MUC6: variants seen among roughly 807,000 people sequenced by gnomAD.
MUC6 encodes the protein mucin 6, oligomeric mucus/gel-forming (gene/pseudogene).
MUC6 carries 188 observed loss-of-function variants against 201.5 expected under a neutral mutation model. The ratio of observed to expected loss-of-function variants is 0.93; its 90% CI spans 0.83 to 1.05. MUC6 has a LOEUF of 1.05. MUC6 is among the 50% of genes least tolerant of loss of function. The pLI is 0.00. For synonymous variants in MUC6, 1,228 were observed against 1,389.4 expected (o/e 0.88, Z 2.58); for missense variants, 2,706 against 3,256.9 (o/e 0.83, Z 4.12).
Position 1,016,173 on chromosome 11 carries a change from C to G in MUC6, c.6628G>C (p.Ala2210Pro). The G allele has an allele frequency of 1.2e-6, 2 of 1,613,130 alleles. No homozygotes were observed. Among genetic ancestry groups the G allele is most frequent in the South Asian group, 2.2e-5 (2 of 90,992 alleles). Residue 2210 changes from alanine to proline, a missense_variant, in exon 31 of 33, where the codon GCC becomes CCC. Physicochemically the swap from Ala to Pro is conservative, Grantham distance 27 (BLOSUM62 -1). Around this residue, in one of 10 missense-constraint regions of MUC6, gnomAD observed 586 missense variants for 488.0 expected, o/e 1.20. Transcript: ENST00000421673. ...GAGGAGATAGTGTGGGGGAGAGTGGCCCTAATGGTAGTAGAGGCAGCTGGA... is the reference window on the plus strand; with the variant it reads ...GAGGAGATAGTGTGGGGGAGAGTGGGCCTAATGGTAGTAGAGGCAGCTGGA... ...SSPAASTTIR[A>P]TLPHTISSPF...
At chr11:1,031,490 G>C in intron 4 of MUC6, 117 bp downstream of exon 4, 1 of 1,463,048 alleles carries the variant, frequency 6.8e-7, no homozygotes, top group East Asian at 2.5e-5. Flanking sequence ...CGAAGGGCCT[G>C]GCTGCATGGC....
At position 1,033,320 on chromosome 11, in the gene MUC6, G is replaced by A; in HGVS notation, c.53-245C>T. On this transcript the variant is annotated intron_variant, in intron 1 of 32. Coordinates refer to ENST00000421673, the MANE Select transcript of MUC6 (RefSeq NM_005961.3). This position sits in a 1 kb window ranked among gnomAD's most constrained non-coding sequence, Gnocchi z 5.6. The stretch of plus-strand genomic sequence containing the variant: ...TCCCTCGTTTGTCCACTCAGTCCCA[G>A]TTCAGCCGTCAGCCCCTCGGGGTTC... 1 of 565,666 alleles carries A rather than the reference G, an allele frequency of 1.8e-6. No individual in the cohort carries two copies. The highest frequency in any genetic ancestry group is 3.2e-6 in the Non-Finnish European group (1 of 313,148). The allele number at this position is 565,666 out of a possible 1,614,324, so 35.0% of individuals were successfully genotyped here.
At chr11:1,029,747 C>A (rs971437780) in intron 8 of MUC6, 132 bp from the exon 9 acceptor site, 2 of 1,245,184 alleles carry the variant, frequency 1.6e-6, no homozygotes, top group East Asian at 2.7e-5. Flanking sequence ...TCCAGGGAGA[C>A]GCCCCTCCAG....
chr11:1,024,304 G>T (rs905143943), intron 24 of MUC6, among the ~76,000 whole-genome samples: 1 of 152,178 alleles, frequency 6.6e-6, no homozygotes, highest in Non-Finnish European at 1.5e-5. Context: ...GGCCTGACCC[G>T]AGCTCACGCC....
At position 1,036,643 on chromosome 11, in the gene MUC6, A is replaced by T. The variant is rs1021037623; in HGVS notation, c.13T>A (p.Trp5Arg). The T allele has an allele frequency of 2.6e-6, 4 of 1,547,390 alleles. No individual in the cohort carries two copies. In the African/African-American group the frequency reaches 5.5e-5, roughly 21 times the overall value. ...GCTCCGCAGCAGGACAGCAGCAGCC[A>T]CCGCTGGACCATGGTGCACAGTGGA... MVQR[W>R]LLLSCCGALL... is the part of the protein sequence containing the mutation. Residue 5 changes from tryptophan (W) to arginine (R), a missense_variant, in exon 1 of 33, where the codon TGG becomes AGG. By Grantham distance (101) the Trp-to-Arg change is moderately radical. Transcript: ENST00000421673.
At chr11:1,022,168 T>C (rs1395071225) in intron 26 of MUC6, among the ~76,000 whole-genome samples, 4 of 139,916 alleles carry the variant, frequency 2.9e-5, no homozygotes, top group African/African-American at 1.1e-4. Flanking sequence ...ACTCGCTCCC[T>C]CTGCCCTCTA....
rs1257404012 is a variant in MUC6, at chr11:1,027,472, G to A, written c.2027C>T (p.Ala676Val). 5.0e-6 allele frequency: 8 copies of A among 1,612,644 alleles called. No homozygotes were observed. The highest frequency in any genetic ancestry group is 6.8e-6 in the Non-Finnish European group (8 of 1,179,816). ...GNTTFSYNSQ[A>V]CERTCLSLSD... ...CAGCGACAGGCAGGTGCGCTCACAG[G>A]CTTGGCTGTTGTAGCTGAAGGTGGT... Residue 676 changes from alanine to valine, a missense_variant, in exon 17 of 33, where the codon GCC becomes GTC. Physicochemically the swap from Ala to Val is moderately conservative, Grantham distance 64. Transcript: ENST00000421673.
intron 15 of MUC6, 65 bp from the exon 16 acceptor site, chr11:1,027,882 A>T: frequency 6.3e-7 from 1 of 1,581,778 alleles, no homozygotes; most frequent in Non-Finnish European, 8.6e-7. Flanking sequence ...GGGGGTCCCA[A>T]ACCTATGCCC....
chr11:1,030,217 C>A lies in MUC6; in HGVS notation c.1011G>T (p.Pro337=). Residue 337 remains proline, a synonymous_variant, in exon 8 of 33, where the codon CCG becomes CCT. Coordinates refer to ENST00000421673, the MANE Select transcript of MUC6 (RefSeq NM_005961.3). ...SSSCTFGCFC[P]EGTVLNDLSN... is the part of the protein sequence containing the mutation. ...AGTGCCTGCGACTGCCCTCACCTTC[C>A]GGGCAGAAGCACCCGAAGGTGCAGG... 6.5e-7 allele frequency: 1 copy of A among 1,549,192 alleles called. No individual in the cohort carries two copies. Among genetic ancestry groups the A allele is most frequent in the Non-Finnish European group, 8.7e-7 (1 of 1,148,152 alleles).
intron 6 of MUC6, 36 bp downstream of exon 6, chr11:1,030,911 C>T: frequency 6.5e-7 from 1 of 1,545,422 alleles, no homozygotes; most frequent in Non-Finnish European, 8.7e-7. Flanking sequence ...CCCTGTCAGA[C>T]CTGGGGTCAG....
intron 31 of MUC6, among the ~76,000 whole-genome samples, chr11:1,015,451 A>G (rs1003527661): frequency 3.3e-5 from 5 of 152,194 alleles, no homozygotes; most frequent in Non-Finnish European, 7.3e-5. Context: ...TTTGGCAGGT[A>G]ACACTCTGAG....
intron 8 of MUC6, 97 bp downstream of exon 8, chr11:1,030,116 G>T: frequency 7.2e-7 from 1 of 1,388,144 alleles, no homozygotes; most frequent in Non-Finnish European, 9.6e-7. Context: ...AGAATGTTGG[G>T]GTGACCTGGG....
chr11:1,020,324 C>T (rs1260387019), intron 28 of MUC6, 67 bp from the exon 29 acceptor site: 28 of 1,523,362 alleles, frequency 1.8e-5, no homozygotes, highest in Non-Finnish European at 2.3e-5. Flanking sequence ...ACCCTCCCCT[C>T]TGCCTGCTTG....
chr11:1,021,731 C>T (rs1308694557), intron 26 of MUC6, among the ~76,000 whole-genome samples: 1 of 152,036 alleles, frequency 6.6e-6, no homozygotes, highest in African/African-American at 2.4e-5. Context: ...CTGCTTATCA[C>T]CCGGGGCTGG....
chr11:1,030,942 C>T lies in MUC6; in HGVS notation c.684+5G>A. 1.3e-6 allele frequency: 2 copies of T among 1,564,906 alleles called. No homozygotes were observed. The highest frequency in any genetic ancestry group is 1.7e-6 in the Non-Finnish European group (2 of 1,155,284). Reference sequence around the variant, plus strand: ...GTCAGCCCCACCTGGAGCCCCCTTGCTTACGTGCTGGGCCTGCCGGACGTG... The same window carrying T: ...GTCAGCCCCACCTGGAGCCCCCTTGTTTACGTGCTGGGCCTGCCGGACGTG... On this transcript the variant is annotated splice_donor_5th_base_variant and intron_variant, in intron 6 of 32. Transcript: ENST00000421673.
At chr11:1,028,161 C>T (rs1307387168) in intron 14 of MUC6, 65 bp downstream of exon 14, 3 of 1,538,172 alleles carry the variant, frequency 2.0e-6, no homozygotes. Flanking sequence ...TGGTCCAGTC[C>T]AGGGGTCTGT....
rs1054894971 is a variant in MUC6 at position 1,029,273 on chromosome 11, G to T, written c.1230C>A (p.Ala410=). 6.2e-7 allele frequency: 1 copy of T among 1,607,148 alleles called. No homozygotes were observed. Among genetic ancestry groups the T allele is most frequent in the African/African-American group, 1.3e-5 (1 of 74,968 alleles). The change falls in exon 10 of 33, where the codon GCC becomes GCA. Residue 410 remains alanine (A), a synonymous_variant. Coordinates refer to ENST00000421673, the MANE Select transcript of MUC6 (RefSeq NM_005961.3). ...EGGSFVTTFD[A]RPYRFHGTCT... ...AGGTGCCGTGGAAGCGGTAGGGCCTGGCGTCAAATGTGGTAACAAAGGAGC... is the reference window on the plus strand; with the variant it reads ...AGGTGCCGTGGAAGCGGTAGGGCCTTGCGTCAAATGTGGTAACAAAGGAGC...
chr11:1,031,556 G>GC (rs962868295), intron 4 of MUC6, 51 bp downstream of exon 4: 73 of 1,532,508 alleles, frequency 4.8e-5, no homozygotes, highest in African/African-American at 1.1e-4. Flanking sequence ...AGTCCCACCT[G>GC]CCCCCCCGTG....
In MUC6 at chr11:1,018,380, G is replaced by GCA; in HGVS notation, c.4419_4420dup (p.Ala1474ValfsTer30). On this transcript the variant is annotated frameshift_variant, in exon 31 of 33. Coordinates refer to ENST00000421673, the MANE Select transcript of MUC6 (RefSeq NM_005961.3). LOFTEE classifies it high-confidence loss of function. ...ACCTGTTGGCGCTGAGTGGTTGGAGGCAGATGTGGCCATCTGTGCGTGGGT... is the reference window on the plus strand; with the variant it reads ...ACCTGTTGGCGCTGAGTGGTTGGAGGCACAGATGTGGCCATCTGTGCGTGGGT... The GCA allele has an allele frequency of 6.2e-7, 1 of 1,613,818 alleles. No homozygotes were observed. Among genetic ancestry groups the GCA allele is most frequent in the Non-Finnish European group, 8.5e-7 (1 of 1,179,774 alleles).
Sources: gnomAD v4.1 joint callset for allele counts (sites outside exome capture counted in the v4.1 genomes callset) on GRCh38, gnomAD v4.1.1 for gene constraint, gnomAD v4.1.1 regional missense constraint, Gnocchi (gnomAD v3.1) non-coding constraint, MANE v1.5 for transcripts, NCBI Gene and HGNC (gene_info 2026-07-23, HGNC 2026-07-21) for gene names.